Variants in LRCH1 observed in about 807,000 individuals in gnomAD.
LRCH1 encodes the protein leucine-rich repeat and calponin homology domain-containing protein 1.
A neutral mutation model predicts 94.9 loss-of-function variants in LRCH1; 23 were observed. The ratio of observed to expected loss-of-function variants is 0.24; its 90% CI spans 0.17 to 0.34. The LOEUF is 0.34. Among genes scored for constraint, LRCH1 ranks in the 10% least tolerant of loss-of-function variants. The pLI, the probability that LRCH1 is intolerant of heterozygous loss-of-function variation, is 1.00. For missense variants in LRCH1, 790 were observed against 945.9 expected (o/e 0.84, Z 2.16); for synonymous variants, 364 against 354.9 (o/e 1.03, Z -0.29).
chr13:46,609,433 T>C (rs1232537030), intron 1 of LRCH1, among the ~76,000 whole-genome samples: 1 of 152,212 alleles, frequency 6.6e-6, no homozygotes, highest in Admixed American at 6.5e-5. Context: ...AAACTACATT[T>C]TGGTAATGCT....
At chr13:46,726,757 T>C (rs1428234885) in intron 17 of LRCH1, among the ~76,000 whole-genome samples, 1 of 135,842 alleles carries the variant, frequency 7.4e-6, no homozygotes, top group Non-Finnish European at 1.5e-5. Flanking sequence ...CACCTACCCC[T>C]CCCCCACTCC....
chr13:46,629,476 C>T (rs1382403169), intron 1 of LRCH1, among the ~76,000 whole-genome samples: 1 of 152,216 alleles, frequency 6.6e-6, no homozygotes, highest in Non-Finnish European at 1.5e-5. Flanking sequence ...GAGCAGCTGG[C>T]TAATGCTGCC....
intron 19 of LRCH1, among the ~76,000 whole-genome samples, chr13:46,737,924 A>T (rs1210555801): frequency 6.6e-6 from 1 of 152,198 alleles, no homozygotes; most frequent in Non-Finnish European, 1.5e-5. Context: ...GCATCAAAAA[A>T]TTAGGAAATA....
intron 16 of LRCH1, among the ~76,000 whole-genome samples, chr13:46,715,993 T>C (rs1049766909): frequency 3.3e-5 from 5 of 152,088 alleles, no homozygotes; most frequent in African/African-American, 1.2e-4. Context: ...TTATCTCCGC[T>C]TGTTCCTGCA....
intron 1 of LRCH1, among the ~76,000 whole-genome samples, chr13:46,636,903 C>T (rs1429881587): frequency 6.6e-6 from 1 of 152,208 alleles, no homozygotes; most frequent in African/African-American, 2.4e-5. Context: ...CTAATCTTCA[C>T]TCACTCCTCT....
At chr13:46,617,235 C>G (rs2050820890) in intron 1 of LRCH1, among the ~76,000 whole-genome samples, 1 of 152,124 alleles carries the variant, frequency 6.6e-6, no homozygotes, top group South Asian at 2.1e-4. Context: ...GCCCTGGAGT[C>G]AGCCCTTCAT....
rs369229405 is a variant in LRCH1 at position 46,697,465 on chromosome 13, A to G, written c.1246-1871A>G. ...TCTAACACACGTATTGTCCTCTGTA[A>G]GGCATATCACAACTTCCTTGGGCTT... is the stretch of plus-strand genomic sequence containing the variant. On this transcript the variant is annotated intron_variant, in intron 9 of 19. Transcript: ENST00000389797. Among the ~76,000 whole-genome samples, 24 of 152,348 alleles carry G rather than the reference A, an allele frequency of 1.6e-4. No individual in the cohort carries two copies. In the East Asian group the frequency reaches 1.7e-3, roughly 11 times the overall value.
At chr13:46,696,200 A>G (rs1450256145) in intron 9 of LRCH1, among the ~76,000 whole-genome samples, 2 of 48,804 alleles carry the variant, frequency 4.1e-5, no homozygotes, top group Non-Finnish European at 8.0e-5. Context: ...GTGTGTACAC[A>G]CACACACACA....
At chr13:46,626,129 T>G (rs1435443662) in intron 1 of LRCH1, among the ~76,000 whole-genome samples, 1 of 152,234 alleles carries the variant, frequency 6.6e-6, no homozygotes, top group Admixed American at 6.5e-5. Flanking sequence ...GGAATCTTGG[T>G]AATGACATAT....
At chr13:46,602,512 G>T (rs1234587979) in intron 1 of LRCH1, among the ~76,000 whole-genome samples, 1 of 152,180 alleles carries the variant, frequency 6.6e-6, no homozygotes, top group African/African-American at 2.4e-5. Flanking sequence ...GCCTAACTAT[G>T]AAATTAAATT....
At chr13:46,567,492 T>TTGTGTGTGTGTG (rs35848521) in intron 1 of LRCH1, among the ~76,000 whole-genome samples, 9,360 of 141,836 alleles carry the variant, frequency 0.066, 469 homozygotes, top group African/African-American at 0.12. Flanking sequence ...TAAGGCAATT[T>TTGTGTGTGTGTG]TGTGTGTGTG....
At chr13:46,711,471 G>A (rs1872057042) in intron 13 of LRCH1, among the ~76,000 whole-genome samples, 2 of 152,138 alleles carry the variant, frequency 1.3e-5, no homozygotes, top group South Asian at 2.1e-4. Context: ...AATGAGGATG[G>A]GAACCAGCAG....
chr13:46,729,085 A>C (rs1384073163), intron 18 of LRCH1, 101 bp downstream of exon 18: 6 of 1,154,186 alleles, frequency 5.2e-6, no homozygotes, highest in African/African-American at 3.1e-5. Context: ...GCTTGCTCAA[A>C]TCTTTTCCAT....
chr13:46,750,595 G>C (rs1874085434), exon 19 of LRCH1: 1 of 1,551,992 alleles, frequency 6.4e-7, no homozygotes, highest in South Asian at 1.2e-5. Flanking sequence ...GTCAAAGTGG[G>C]CATTACCATT....
At chr13:46,610,213 C>A (rs1347057640) in intron 1 of LRCH1, among the ~76,000 whole-genome samples, 1 of 152,108 alleles carries the variant, frequency 6.6e-6, no homozygotes. Context: ...TCCCTTTGAA[C>A]ATATGTAGAA....
rs537161478 is a variant in LRCH1, at chr13:46,661,816, C to T, written c.453-7214C>T. 3.3e-5 allele frequency among the ~76,000 whole-genome samples: 5 copies of T among 152,274 alleles called. No individual in the cohort carries two copies. In the South Asian group the frequency reaches 1.0e-3, roughly 32 times the overall value. On this transcript the variant is annotated intron_variant, in intron 2 of 19. Coordinates refer to ENST00000389797, the MANE Select transcript of LRCH1 (RefSeq NM_001164211.2). ...ATTTTTATTATGAATATTTTTATTA[C>T]CTTAATGTCCCTAGGTAAAAATTGA... is the stretch of plus-strand genomic sequence containing the variant.
At chr13:46,682,295 C>T (rs1870359155) in intron 4 of LRCH1, among the ~76,000 whole-genome samples, 1 of 152,076 alleles carries the variant, frequency 6.6e-6, no homozygotes, top group Non-Finnish European at 1.5e-5. Context: ...CGTCATCTCC[C>T]CTCTGCACAT....
intron 18 of LRCH1, among the ~76,000 whole-genome samples, chr13:46,730,828 C>T (rs1873064974): frequency 6.6e-6 from 1 of 152,188 alleles, no homozygotes; most frequent in South Asian, 2.1e-4. Flanking sequence ...ACACCTCAGC[C>T]TTCAATTTCA....
rs1407938066 is a variant in LRCH1 at position 46,711,843 on chromosome 13, A to G, written c.1580A>G (p.Glu527Gly). Residue 527 changes from glutamate to glycine, a missense_variant and splice_region_variant, in exon 14 of 20, where the codon GAG becomes GGG. This residue lies in a region of LRCH1 where 460 missense variants were observed against 508.9 expected (regional missense o/e 0.90). Coordinates refer to ENST00000389797, the MANE Select transcript of LRCH1 (RefSeq NM_001164211.2). ...QSNGSQYSPN[E>G]IRENSPAVSP... ...AACGGGAGCCAGTATTCTCCAAATG[A>G]GGTAAGTTTCTTGAAGATTAATGGA... The G allele has an allele frequency of 1.2e-6, 2 of 1,612,178 alleles. No homozygotes were observed. The highest frequency in any genetic ancestry group is 2.7e-5 in the African/African-American group (2 of 74,842).
Sources: allele counts gnomAD v4.1 joint callset (sites outside exome capture counted in the v4.1 genomes callset), GRCh38; gene constraint gnomAD v4.1.1; regional missense constraint gnomAD v4.1.1; transcripts MANE v1.5; gene names NCBI Gene and HGNC (gene_info 2026-07-23, HGNC 2026-07-21).